Variants in MEGF11 observed in about 807,000 individuals in gnomAD.
MEGF11 encodes multiple epidermal growth factor-like domains protein 11.
In MEGF11, 126 loss-of-function variants were observed where a neutral mutation model predicts 146.6. That is an observed-to-expected ratio of 0.86 (90% CI 0.74 to 1.00). The LOEUF (loss-of-function observed/expected upper bound fraction) is 1.00. MEGF11 is among the 50% of genes least tolerant of loss of function. The probability of loss-of-function intolerance (pLI) is 0.00; values close to 1 mark genes in which losing one functional copy is unlikely to be tolerated. For missense variants in MEGF11, 1,509 were observed against 1,521.2 expected (o/e 0.99, Z 0.13); for synonymous variants, 532 against 583.4 (o/e 0.91, Z 1.27).
intron 5 of MEGF11, among the ~76,000 whole-genome samples, chr15:66,074,641 AT>A (rs1188514740): frequency 2.0e-5 from 3 of 152,270 alleles, no homozygotes; most frequent in Non-Finnish European, 2.9e-5. Flanking sequence ...CATGAAATGA[AT>A]TTATGAATCT....
chr15:65,968,347 C>T (rs147270539), intron 8 of MEGF11, among the ~76,000 whole-genome samples: 8 of 152,282 alleles, frequency 5.3e-5, no homozygotes, highest in East Asian at 3.9e-4. Context: ...TCTCAAATGT[C>T]GGGTGAAAAA....
intron 5 of MEGF11, among the ~76,000 whole-genome samples, chr15:66,026,859 A>G (rs1240834065): frequency 6.6e-6 from 1 of 150,778 alleles, no homozygotes. Context: ...TCACATCTGC[A>G]TCTGTAAAAC....
chr15:66,189,003 A>G (rs775846905), intron 1 of MEGF11, among the ~76,000 whole-genome samples: 34 of 152,192 alleles, frequency 2.2e-4, no homozygotes, highest in Non-Finnish European at 3.1e-4. Context: ...TTTGAAGCAA[A>G]TTGGTTATCC....
intron 5 of MEGF11, among the ~76,000 whole-genome samples, chr15:66,087,416 T>C (rs1046320637): frequency 2.0e-5 from 3 of 152,228 alleles, no homozygotes; most frequent in South Asian, 4.1e-4. Context: ...AGAGACCATA[T>C]GATAGGCCAT....
chr15:66,169,334 G>T (rs909310384), intron 1 of MEGF11, among the ~76,000 whole-genome samples: 1 of 152,156 alleles, frequency 6.6e-6, no homozygotes, highest in African/African-American at 2.4e-5. Context: ...ACCCTCCACC[G>T]TCTGCCCAAC....
At chr15:66,148,864 T>C (rs1051326587) in intron 1 of MEGF11, among the ~76,000 whole-genome samples, 2 of 152,152 alleles carry the variant, frequency 1.3e-5, no homozygotes, top group Non-Finnish European at 2.9e-5. Flanking sequence ...GTCCCACCAC[T>C]TCACTCCCCT....
intron 4 of MEGF11, among the ~76,000 whole-genome samples, chr15:66,097,922 C>T (rs73485559): frequency 2.0e-4 from 31 of 152,226 alleles, no homozygotes; most frequent in African/African-American, 7.0e-4. Context: ...GAACTTAGCT[C>T]ATCTCCCTCC....
chr15:65,935,895 A>T (rs2141341284), intron 10 of MEGF11, among the ~76,000 whole-genome samples: 1 of 152,282 alleles, frequency 6.6e-6, no homozygotes, highest in East Asian at 1.9e-4. Context: ...CTGGTGTATA[A>T]TTGACTGGCC....
chr15:66,228,796 C>T (rs995475225), intron 1 of MEGF11, among the ~76,000 whole-genome samples: 1 of 152,282 alleles, frequency 6.6e-6, no homozygotes, highest in African/African-American at 2.4e-5. Flanking sequence ...GAGGAGGCCC[C>T]CTTGATCTCT....
intron 1 of MEGF11, among the ~76,000 whole-genome samples, chr15:66,153,471 G>A (rs2089641849): frequency 6.6e-6 from 1 of 152,178 alleles, no homozygotes; most frequent in Non-Finnish European, 1.5e-5. Flanking sequence ...TACTCGGGAG[G>A]CTGAGAGAGG....
rs968307250 is a variant in MEGF11 at position 66,253,612 on chromosome 15, C to G, written c.-16G>C. 1 of 152,090 alleles carries G rather than the reference C, an allele frequency of 6.6e-6. No individual in the cohort carries two copies. The highest frequency in any genetic ancestry group is 1.5e-5 in the Non-Finnish European group (1 of 68,008). The allele number at this position is 152,090 out of a possible 1,614,324, so 9.4% of individuals were successfully genotyped here. On this transcript the variant is annotated 5_prime_UTR_variant, in exon 1 of 26. Transcript: ENST00000395614. Reference sequence around the variant, plus strand: ...CCCCACTCAGCCACCTACCTGCTCCCGCGGCCGGCCCAGGGATCGGCCGGC... The same window carrying G: ...CCCCACTCAGCCACCTACCTGCTCCGGCGGCCGGCCCAGGGATCGGCCGGC...
At chr15:66,003,118 T>C (rs1001753142) in intron 5 of MEGF11, among the ~76,000 whole-genome samples, 2 of 152,070 alleles carry the variant, frequency 1.3e-5, no homozygotes, top group African/African-American at 4.8e-5. Flanking sequence ...CTCAGCCTTC[T>C]GAGTTGCTGG....
intron 5 of MEGF11, among the ~76,000 whole-genome samples, chr15:65,990,577 A>AGAAAGGAAAGAAAGAAAG (rs2082001023): frequency 1.3e-5 from 2 of 151,314 alleles, no homozygotes; most frequent in Non-Finnish European, 2.9e-5. Context: ...AAGCAAGGGA[A>AGAAAGGAAAGAAAGAAAG]GAAAGGAAAG....
intron 1 of MEGF11, among the ~76,000 whole-genome samples, chr15:66,207,546 C>A (rs1475488998): frequency 6.6e-6 from 1 of 152,162 alleles, no homozygotes; most frequent in East Asian, 1.9e-4. Flanking sequence ...ACAAGAACTA[C>A]TAAAGGAAGT....
At chr15:66,035,631 G>A (rs1195721384) in intron 5 of MEGF11, among the ~76,000 whole-genome samples, 6 of 152,142 alleles carry the variant, frequency 3.9e-5, no homozygotes, top group African/African-American at 1.2e-4. Flanking sequence ...TTATGATGAC[G>A]ATGAAATGTT....
intron 1 of MEGF11, among the ~76,000 whole-genome samples, chr15:66,141,476 C>A (rs1311132211): frequency 6.6e-6 from 1 of 151,918 alleles, no homozygotes; most frequent in Admixed American, 6.6e-5. Context: ...AGGCTGCCTG[C>A]TTGGTGCTTC....
intron 5 of MEGF11, among the ~76,000 whole-genome samples, chr15:66,009,793 A>T (rs1464867165): frequency 1.3e-5 from 2 of 151,884 alleles, no homozygotes; most frequent in African/African-American, 4.8e-5. Flanking sequence ...GCGGGGTTTC[A>T]TCGTGTTAGC....
At chr15:65,997,890 C>T (rs186334955) in intron 5 of MEGF11, among the ~76,000 whole-genome samples, 40 of 152,190 alleles carry the variant, frequency 2.6e-4, no homozygotes, top group East Asian at 1.5e-3. Context: ...GAAGGTGACC[C>T]GGACACTGAG....
chr15:66,031,540 G>A (rs1434092746), intron 5 of MEGF11, among the ~76,000 whole-genome samples: 4 of 152,204 alleles, frequency 2.6e-5, no homozygotes, highest in Non-Finnish European at 5.9e-5. Flanking sequence ...GTGAAGTACT[G>A]TCCTCACATT....
Sources: gnomAD v4.1 joint callset for allele counts (sites outside exome capture counted in the v4.1 genomes callset) on GRCh38, gnomAD v4.1.1 for gene constraint, MANE v1.5 for transcripts, NCBI Gene and HGNC (gene_info 2026-07-23, HGNC 2026-07-21) for gene names.